FANCA: variants seen among roughly 807,000 people sequenced by gnomAD.
FANCA encodes Fanconi anemia group A protein.
A neutral mutation model predicts 194.3 loss-of-function variants in FANCA; 236 were observed. The ratio of observed to expected loss-of-function variants is 1.21; its 90% CI spans 1.09 to 1.35. The LOEUF is 1.35. Ranked by LOEUF, FANCA falls within the 40% of genes most tolerant of loss-of-function variation. The probability of loss-of-function intolerance (pLI) is 0.00; values close to 1 mark genes in which losing one functional copy is unlikely to be tolerated. For synonymous variants in FANCA, 1,014 were observed against 715.8 expected, an observed-to-expected ratio of 1.42 and a Z score of -6.65; for missense variants, 2,628 against 1,813.9, an observed-to-expected ratio of 1.45 and a Z score of -8.15.
At chr16:89,792,664 G>A (rs929527256) in intron 11 of FANCA, 117 bp from the exon 12 acceptor site, 2 of 797,394 alleles carry the variant, frequency 2.5e-6, no homozygotes, top group African/African-American at 1.7e-5. Flanking sequence ...CGACGAGAGA[G>A]TGTAGAAAGA....
At chr16:89,775,416 C>T (rs1274007925) in intron 21 of FANCA, among the ~76,000 whole-genome samples, 2 of 152,232 alleles carry the variant, frequency 1.3e-5, no homozygotes, top group Non-Finnish European at 2.9e-5. Context: ...CCCAAGGTGG[C>T]CGCTGAGAGA....
intron 21 of FANCA, among the ~76,000 whole-genome samples, chr16:89,774,188 G>A (rs770689512): frequency 3.3e-5 from 5 of 152,158 alleles, no homozygotes; most frequent in Admixed American, 6.6e-5. Flanking sequence ...CACAGCCACA[G>A]CCAAAATGAA....
At chr16:89,801,032 CAA>C (rs59752200) in intron 8 of FANCA, among the ~76,000 whole-genome samples, 9 of 72,998 alleles carry the variant, frequency 1.2e-4, no homozygotes, top group Non-Finnish European at 1.9e-4. Flanking sequence ...GACTCCATCT[CAA>C]AAAAAAAAAA....
At chr16:89,770,315 C>T (rs2039281042) in intron 24 of FANCA, 56 bp from the exon 25 acceptor site, 11 of 1,431,500 alleles carry the variant, frequency 7.7e-6, no homozygotes, top group Non-Finnish European at 1.1e-5. Flanking sequence ...GCACATCCCT[C>T]CAACAGCTAA....
chr16:89,807,875 T>A (rs1175819776), intron 6 of FANCA, among the ~76,000 whole-genome samples: 1 of 151,664 alleles, frequency 6.6e-6, no homozygotes, highest in Admixed American at 6.6e-5. Context: ...AGAACGAGAC[T>A]CTGTCCCTAA....
intron 12 of FANCA, 89 bp from the exon 13 acceptor site, chr16:89,792,157 C>T (rs900933782): frequency 3.0e-5 from 44 of 1,486,598 alleles, no homozygotes; most frequent in Non-Finnish European, 3.2e-5. Context: ...CGGTGGCCAC[C>T]GCAGCCCCCT....
Position 89,810,987 on chromosome 16 carries a change from T to G in FANCA, c.368A>C (p.Gln123Pro). 6.2e-7 allele frequency: 1 copy of G among 1,614,118 alleles called. No homozygotes were observed. The highest frequency in any genetic ancestry group is 8.5e-7 in the Non-Finnish European group (1 of 1,180,038). ...GGTCTCCGCTGGAGCCGTGCAGATCTGTCCCACGCTAGAGGCAACCATCCC... is the reference window on the plus strand; with the variant it reads ...GGTCTCCGCTGGAGCCGTGCAGATCGGTCCCACGCTAGAGGCAACCATCCC... ...SAGMVASSVGQICTAPAETSH... is the reference protein window; with the variant it reads ...SAGMVASSVGPICTAPAETSH... The change falls in exon 4 of 43, where the codon CAG (glutamine) becomes CCG (proline). Residue 123 changes from glutamine (Q) to proline (P), a missense_variant. By Grantham distance (76) the Gln-to-Pro change is moderately conservative. Coordinates refer to ENST00000389301, the MANE Select transcript of FANCA (RefSeq NM_000135.4).
chr16:89,770,292 G>C, intron 24 of FANCA, 33 bp from the exon 25 acceptor site: 1 of 1,517,528 alleles, frequency 6.6e-7, no homozygotes, highest in Non-Finnish European at 9.0e-7. Flanking sequence ...ATCAGTACTA[G>C]CCATTCAGTC....
intron 11 of FANCA, among the ~76,000 whole-genome samples, chr16:89,793,666 G>T (rs773650991): frequency 6.6e-6 from 1 of 151,518 alleles, no homozygotes; most frequent in Non-Finnish European, 1.5e-5. Flanking sequence ...CCACAGCCTC[G>T]ACCTCCCTGG....
In FANCA at chr16:89,799,238, G is replaced by C. The variant is rs756991336; in HGVS notation, c.827-6C>G. The C allele has an allele frequency of 2.8e-5, 45 of 1,613,812 alleles. 1 individual carries two copies. Among genetic ancestry groups the C allele is most frequent in the South Asian group, 2.5e-4 (23 of 91,072 alleles). ...AGCCAAAGCGTCAAGTGCAACTGAA[G>C]ACAGAGCCAGGAACAGAAAACAGAT... is the stretch of plus-strand genomic sequence containing the variant. On this transcript the variant is annotated splice_polypyrimidine_tract_variant and splice_region_variant and intron_variant, in intron 9 of 42. Coordinates refer to ENST00000389301, the MANE Select transcript of FANCA (RefSeq NM_000135.4).
At chr16:89,803,409 A>C (rs1269695750) in intron 7 of FANCA, 68 bp from the exon 8 acceptor site, 27 of 1,403,392 alleles carry the variant, frequency 1.9e-5, no homozygotes, top group Non-Finnish European at 5.1e-6. Context: ...AATGGCACAG[A>C]CCATCCACTT....
chr16:89,744,665 G>GTTTTTTTT, intron 36 of FANCA: 1 of 369,366 alleles, frequency 2.7e-6, no homozygotes, highest in Non-Finnish European at 5.1e-6. Flanking sequence ...GGCAGAGGCT[G>GTTTTTTTT]TTTTTTTTTT....
chr16:89,791,982 G>A lies in FANCA; in HGVS notation c.1170C>T (p.Leu390=). 4 of 1,614,178 alleles carry A rather than the reference G, an allele frequency of 2.5e-6. No homozygotes were observed. Among genetic ancestry groups the A allele is most frequent in the Non-Finnish European group, 3.4e-6 (4 of 1,180,030 alleles). Residue 390 remains leucine, a synonymous_variant, in exon 13 of 43, where the codon CTC becomes CTT. Coordinates refer to ENST00000389301, the MANE Select transcript of FANCA (RefSeq NM_000135.4). The part of the protein sequence containing the change: ...ETQEVHWQRV[L]SFVSALVVCF... ...AGACAACCAGGGCAGACACAAAGGA[G>A]AGCACTCTCTGCCAGTGAACCTCCT...
intron 42 of FANCA, 26 bp from the exon 43 acceptor site, chr16:89,738,734 C>A: frequency 6.2e-7 from 1 of 1,613,094 alleles, no homozygotes; most frequent in Non-Finnish European, 8.5e-7. Flanking sequence ...AGGTCCTCAG[C>A]CCATGCCGCC....
intron 14 of FANCA, among the ~76,000 whole-genome samples, chr16:89,787,780 T>G (rs2039946422): frequency 6.6e-6 from 1 of 151,940 alleles, no homozygotes; most frequent in Non-Finnish European, 1.5e-5. Context: ...TTTAACTACA[T>G]AATGTGATAT....
intron 30 of FANCA, 71 bp from the exon 31 acceptor site, chr16:89,752,293 G>T: frequency 8.2e-7 from 1 of 1,226,298 alleles, no homozygotes. Flanking sequence ...TTCTCCTCCT[G>T]CCTCCGGAGC....
Position 89,775,729 on chromosome 16 carries a change from C to G in FANCA, c.1900+13G>C, listed in dbSNP as rs1297879241. 6.2e-7 allele frequency: 1 copy of G among 1,606,994 alleles called. No homozygotes were observed. Among genetic ancestry groups the G allele is most frequent in the Non-Finnish European group, 8.5e-7 (1 of 1,175,758 alleles). On this transcript the variant is annotated intron_variant, in intron 21 of 42. Transcript: ENST00000389301. ...CACAAGTCCCAGAGTGGACAAGCGG[C>G]CCAGGAACTTACCTTCTGGCTTCTC...
rs767092317 is a variant in FANCA, at chr16:89,799,220, G to A, written c.839C>T (p.Ala280Val). Residue 280 changes from alanine (A) to valine (V), a missense_variant, in exon 10 of 43, where the codon GCT becomes GTT. Transcript: ENST00000389301. ...LQRMLIFALDALAAGVQEESS... is the reference protein window; with the variant it reads ...LQRMLIFALDVLAAGVQEESS... ...CTCCTCCTGTACTCCAGCAGCCAAA[G>A]CGTCAAGTGCAACTGAAGACAGAGC... The A allele has an allele frequency of 5.0e-6, 8 of 1,613,938 alleles. No individual in the cohort carries two copies. The highest frequency in any genetic ancestry group is 3.3e-5 in the South Asian group (3 of 91,092).
In FANCA at chr16:89,769,819, T is replaced by A; in HGVS notation, c.2504+18A>T. ...CGAGAGAGAGGAGAGAAGACGCGAC[T>A]GTGGAAGAAGAGCTCACTTCAGGCA... On this transcript the variant is annotated intron_variant, in intron 26 of 42. Coordinates refer to ENST00000389301, the MANE Select transcript of FANCA (RefSeq NM_000135.4). 6.2e-7 allele frequency: 1 copy of A among 1,613,810 alleles called. No individual in the cohort carries two copies. Among genetic ancestry groups the A allele is most frequent in the South Asian group, 1.1e-5 (1 of 91,048 alleles).
Sources: gnomAD v4.1 joint callset for allele counts (sites outside exome capture counted in the v4.1 genomes callset) on GRCh38, gnomAD v4.1.1 for gene constraint, MANE v1.5 for transcripts, NCBI Gene and HGNC (gene_info 2026-07-23, HGNC 2026-07-21) for gene names.